The following TMEM101 variants were observed in gnomAD, a reference collection of about 807,000 sequenced individuals.
TMEM101 encodes putative NF-kappa-B-activating protein 130.
A neutral mutation model predicts 26.0 loss-of-function variants in TMEM101; 14 were observed. The ratio of observed to expected loss-of-function variants is 0.54; its 90% CI spans 0.36 to 0.84. The LOEUF (loss-of-function observed/expected upper bound fraction) is 0.84. TMEM101 is among the 40% of genes least tolerant of loss of function. TMEM101 has a pLI of 0.01. For missense variants in TMEM101, 292 were observed against 345.1 expected, an observed-to-expected ratio of 0.85 and a Z score of 1.22; for synonymous variants, 152 against 145.1, an observed-to-expected ratio of 1.05 and a Z score of -0.34.
chr17:44,013,328 A>G (rs2049186562), intron 2 of TMEM101, among the ~76,000 whole-genome samples, 173 bp from the exon 3 acceptor site: 1 of 152,092 alleles, frequency 6.6e-6, no homozygotes, highest in African/African-American at 2.4e-5. Context: ...TTTTATATAT[A>G]TATAGAAGTA....
chr17:44,014,603 C>A (rs1597871107), intron 1 of TMEM101, 66 bp from the exon 2 acceptor site: 2 of 1,544,394 alleles, frequency 1.3e-6, no homozygotes, highest in East Asian at 2.4e-5. Flanking sequence ...GCTTGAGACC[C>A]CTTGAGTTCC....
At chr17:44,014,725 T>G in intron 1 of TMEM101, 91 bp downstream of exon 1, 1 of 1,510,840 alleles carries the variant, frequency 6.6e-7, no homozygotes, top group Non-Finnish European at 8.9e-7. Context: ...TCCCAATTCC[T>G]CCCAGTTCAA....
upstream of TMEM101, chr17:44,019,474 C>T (rs145372055): frequency 5.6e-5 from 10 of 180,016 alleles, no homozygotes; most frequent in Non-Finnish European, 1.2e-4. Flanking sequence ...GCTCCAGGCA[C>T]GAGGGCCCTT....
upstream of TMEM101, among the ~76,000 whole-genome samples, chr17:44,017,544 AG>A (rs1306957801): frequency 6.7e-6 from 1 of 149,678 alleles, no homozygotes; most frequent in Non-Finnish European, 1.5e-5. Flanking sequence ...CAGTGAGCCG[AG>A]ATCGCGCCAC....
chr17:44,016,479 T>C (rs1198997677), upstream of TMEM101, among the ~76,000 whole-genome samples: 1 of 152,204 alleles, frequency 6.6e-6, no homozygotes, highest in East Asian at 1.9e-4. Flanking sequence ...CCAATATATT[T>C]GTGATTGTTT....
upstream of TMEM101, chr17:44,019,325 C>A (rs1429423082): frequency 2.3e-5 from 10 of 431,298 alleles, no homozygotes; most frequent in South Asian, 1.5e-4. Flanking sequence ...CAGACTATGG[C>A]GGATTCACCA....
At chr17:44,020,005 C>T (rs906884282) in intron 2 of TMEM101, among the ~76,000 whole-genome samples, 3 of 152,176 alleles carry the variant, frequency 2.0e-5, no homozygotes, top group Non-Finnish European at 4.4e-5. Context: ...TATCTGATTA[C>T]AACATAAGTT....
intron 1 of TMEM101, among the ~76,000 whole-genome samples, chr17:44,022,034 T>A (rs1043297791): frequency 6.6e-6 from 1 of 152,266 alleles, no homozygotes. Context: ...AAAGCCATGG[T>A]CTCTTTCTCT....
intron 1 of TMEM101, 128 bp from the exon 2 acceptor site, chr17:44,014,665 G>A: frequency 1.3e-6 from 2 of 1,494,046 alleles, no homozygotes; most frequent in Non-Finnish European, 1.8e-6. Flanking sequence ...GGGCAGGACC[G>A]CCCTACCAGA....
chr17:44,012,544 TTAAGA>T (rs1419643016), intron 3 of TMEM101: 15 of 416,780 alleles, frequency 3.6e-5, no homozygotes, highest in African/African-American at 1.0e-4. Context: ...TACTCGGTAA[TTAAGA>T]TAAGACCTAA....
chr17:44,015,078 G>C, upstream of TMEM101: 3 of 1,349,498 alleles, frequency 2.2e-6, no homozygotes, highest in Non-Finnish European at 3.0e-6. Flanking sequence ...TCATTCTCTA[G>C]TTCCGGATCT....
upstream of TMEM101, chr17:44,019,567 A>G (rs76323458): frequency 1.9e-5 from 3 of 159,706 alleles, no homozygotes; most frequent in South Asian, 4.6e-4. Context: ...ATATAGGAAT[A>G]GATTGAAATA....
In TMEM101 at chr17:44,014,915, T is replaced by G. The variant is rs750897081; in HGVS notation, c.38A>C (p.Gln13Pro). ...SKIGSRRWMLQLIMQLGSVLL... is the reference protein window; with the variant it reads ...SKIGSRRWMLPLIMQLGSVLL... ...CACCGAACCCAACTGCATGATCAGCTGCAACATCCACCGTCTCGAACCTAT... is the reference window on the plus strand; with the variant it reads ...CACCGAACCCAACTGCATGATCAGCGGCAACATCCACCGTCTCGAACCTAT... Residue 13 changes from glutamine (Q) to proline (P), a missense_variant, in exon 1 of 4, where the codon CAG (glutamine) becomes CCG (proline). Gln to Pro is a moderately conservative substitution (Grantham distance 76). Around this residue, in one of 2 missense-constraint regions of TMEM101, gnomAD observed 143 missense variants for 133.2 expected, o/e 1.07. Transcript: ENST00000206380. 6 of 1,613,806 alleles carry G rather than the reference T, an allele frequency of 3.7e-6. No individual in the cohort carries two copies. The highest frequency in any genetic ancestry group is 1.3e-5 in the African/African-American group (1 of 74,934).
At chr17:44,014,626 T>C in intron 1 of TMEM101, 89 bp from the exon 2 acceptor site, 1 of 1,529,098 alleles carries the variant, frequency 6.5e-7, no homozygotes, top group East Asian at 2.3e-5. Flanking sequence ...CAGGCTCCAC[T>C]GCTCCCCCAA....
At chr17:44,019,299 C>T (rs993527103), upstream of TMEM101, 4 of 419,856 alleles carry the variant, frequency 9.5e-6, no homozygotes, top group South Asian at 3.5e-5. Flanking sequence ...GCTCGAGAGT[C>T]GGACACTGCA....
intron 2 of TMEM101, among the ~76,000 whole-genome samples, chr17:44,020,393 CT>C (rs950840061): frequency 2.6e-5 from 4 of 152,144 alleles, no homozygotes; most frequent in African/African-American, 4.8e-5. Context: ...CAAAAATAGA[CT>C]GTTTGGTTAA....
chr17:44,011,852 A>G lies in TMEM101; in HGVS notation c.*76T>C. The G allele has an allele frequency of 7.2e-7, 1 of 1,398,228 alleles. No individual in the cohort carries two copies. The highest frequency in any genetic ancestry group is 9.7e-7 in the Non-Finnish European group (1 of 1,026,170). 86.6% of individuals were successfully genotyped at this position (1,398,228 alleles called of 1,614,324 possible). On this transcript the variant is annotated 3_prime_UTR_variant, in exon 4 of 4. Transcript: ENST00000206380. ...AGACCAAAAAGCATAAATAAACAGC[A>G]GCTGGGCCAGCAAGGAGGAAGGCAG...
intron 2 of TMEM101, among the ~76,000 whole-genome samples, chr17:44,013,530 G>A (rs2049188685): frequency 1.3e-5 from 2 of 152,130 alleles, no homozygotes; most frequent in Non-Finnish European, 2.9e-5. Flanking sequence ...GTGGGGAAGG[G>A]CGCCTGTAAT....
chr17:44,019,512 G>A (rs77802477), upstream of TMEM101: 2 of 165,094 alleles, frequency 1.2e-5, no homozygotes, highest in Non-Finnish European at 2.6e-5. Context: ...AACATAAAAA[G>A]GTCAACTTGT....
Sources: allele counts gnomAD v4.1 joint callset (sites outside exome capture counted in the v4.1 genomes callset), GRCh38; gene constraint gnomAD v4.1.1; regional missense constraint gnomAD v4.1.1; transcripts MANE v1.5; gene names NCBI Gene and HGNC (gene_info 2026-07-23, HGNC 2026-07-21).